PIK3C2G: variants seen among roughly 807,000 people sequenced by gnomAD.
The protein encoded by PIK3C2G is phosphatidylinositol-4-phosphate 3-kinase catalytic subunit type 2 gamma.
In PIK3C2G, 168 loss-of-function variants were observed where a neutral mutation model predicts 181.1. The ratio of observed to expected loss-of-function variants is 0.93; its 90% confidence interval spans 0.82 to 1.05. The LOEUF (loss-of-function observed/expected upper bound fraction) is 1.05. Ranked by LOEUF, PIK3C2G falls within the 50% of genes least tolerant of loss-of-function variation. PIK3C2G has a pLI of 0.00. For synonymous variants in PIK3C2G, 573 were observed against 592.2 expected (o/e 0.97, Z 0.47); for missense variants, 1,869 against 1,732.8 (o/e 1.08, Z -1.40).
At chr12:18,639,298 T>A (rs1949742198) in intron 31 of PIK3C2G, among the ~76,000 whole-genome samples, 1 of 152,120 alleles carries the variant, frequency 6.6e-6, no homozygotes, top group South Asian at 2.1e-4. Context: ...TTTTTTTGAG[T>A]TCTGAAGAAA....
the PIK3C2G span, among the ~76,000 whole-genome samples, chr12:18,664,902 C>T: frequency 6.7e-6 from 1 of 149,438 alleles, no homozygotes; most frequent in Non-Finnish European, 1.5e-5. Context: ...TAAACTATCA[C>T]AAGGACAAAA....
intron 24 of PIK3C2G, among the ~76,000 whole-genome samples, chr12:18,513,045 AGAT>A (rs1341844496): frequency 1.3e-5 from 2 of 151,836 alleles, no homozygotes; most frequent in Admixed American, 6.6e-5. Flanking sequence ...GCATCCAGTG[AGAT>A]GATGATGTTA....
chr12:18,695,546 T>C, the PIK3C2G span, among the ~76,000 whole-genome samples: 1 of 152,094 alleles, frequency 6.6e-6, no homozygotes, highest in African/African-American at 2.4e-5. Context: ...CAGTATAGCC[T>C]GGTAAATAGC....
chr12:18,420,755 T>C (rs1406875023), intron 16 of PIK3C2G, among the ~76,000 whole-genome samples, 186 bp from the exon 17 acceptor site: 2 of 152,142 alleles, frequency 1.3e-5, no homozygotes, highest in Non-Finnish European at 2.9e-5. Context: ...TCTACTGTAG[T>C]CCACACGAGA....
At chr12:18,610,390 T>C (rs940830272) in intron 31 of PIK3C2G, among the ~76,000 whole-genome samples, 2 of 152,098 alleles carry the variant, frequency 1.3e-5, no homozygotes, top group African/African-American at 4.8e-5. Context: ...TTTGGAAGGA[T>C]CTAAAAGAGC....
At chr12:18,367,381 C>A (rs973784642) in intron 12 of PIK3C2G, among the ~76,000 whole-genome samples, 36 of 151,982 alleles carry the variant, frequency 2.4e-4, no homozygotes, top group African/African-American at 8.2e-4. Flanking sequence ...ATCTAGGTAT[C>A]CAATTTAATA....
At chr12:18,497,340 G>A (rs951591538) in intron 21 of PIK3C2G, among the ~76,000 whole-genome samples, 2 of 152,096 alleles carry the variant, frequency 1.3e-5, no homozygotes, top group Non-Finnish European at 1.5e-5. Flanking sequence ...GAAATCACAC[G>A]TGGATAATAA....
At chr12:18,577,328 C>G (rs1946282899) in intron 29 of PIK3C2G, among the ~76,000 whole-genome samples, 1 of 152,160 alleles carries the variant, frequency 6.6e-6, no homozygotes, top group Non-Finnish European at 1.5e-5. Context: ...ACCAAAACCA[C>G]CAAACATAGC....
chr12:18,597,390 A>C (rs1947429360), intron 30 of PIK3C2G, among the ~76,000 whole-genome samples: 1 of 152,144 alleles, frequency 6.6e-6, no homozygotes, highest in Non-Finnish European at 1.5e-5. Context: ...ATGAAAATAA[A>C]AGCAAATTAC....
chr12:18,542,480 T>G (rs1479410283), intron 25 of PIK3C2G, among the ~76,000 whole-genome samples: 6 of 151,856 alleles, frequency 4.0e-5, no homozygotes, highest in Non-Finnish European at 8.8e-5. Flanking sequence ...TCACAGGGAT[T>G]TGATGTACAG....
chr12:18,467,088 T>C (rs1445280424), intron 18 of PIK3C2G, among the ~76,000 whole-genome samples: 5 of 152,018 alleles, frequency 3.3e-5, no homozygotes, highest in African/African-American at 1.2e-4. Flanking sequence ...TTTACTATTG[T>C]CATTCATAGT....
intron 16 of PIK3C2G, among the ~76,000 whole-genome samples, chr12:18,420,603 A>T (rs1284865834): frequency 6.6e-6 from 1 of 152,146 alleles, no homozygotes; most frequent in Non-Finnish European, 1.5e-5. Flanking sequence ...TATTTATCAA[A>T]TGCTTGGCTA....
At chr12:18,572,146 T>C (rs1945978253) in intron 29 of PIK3C2G, among the ~76,000 whole-genome samples, 1 of 141,084 alleles carries the variant, frequency 7.1e-6, no homozygotes, top group Non-Finnish European at 1.5e-5. Context: ...TGTCTTATAT[T>C]ATTTACAAAT....
At chr12:18,499,888 C>T (rs1261329023) in intron 22 of PIK3C2G, among the ~76,000 whole-genome samples, 1 of 152,262 alleles carries the variant, frequency 6.6e-6, no homozygotes, top group Non-Finnish European at 1.5e-5. Flanking sequence ...AGGCCGCACG[C>T]CTGCCATACT....
chr12:18,371,171 T>C lies in PIK3C2G; in HGVS notation c.1749-9T>C, dbSNP rs556762971. 5 of 1,599,174 alleles carry C rather than the reference T, an allele frequency of 3.1e-6. No individual in the cohort carries two copies. The highest frequency in any genetic ancestry group is 2.3e-5 in the South Asian group (2 of 88,414). On this transcript the variant is annotated splice_polypyrimidine_tract_variant and intron_variant, in intron 12 of 32. Transcript: ENST00000538779. ...GGTAGGTAATGCTTCTTCTTTCTTT[T>C]ATTCTCAGGATCAATTTTCCCCTTG...
In PIK3C2G at chr12:18,629,093, T is replaced by C. The variant is rs1415387769; in HGVS notation, c.4183-11336T>C. ...ATGTATTAATTCCCTCTGTGGAGAATGTTTGGTGTTAACATGGATCCAGCC... is the reference window on the plus strand; with the variant it reads ...ATGTATTAATTCCCTCTGTGGAGAACGTTTGGTGTTAACATGGATCCAGCC... On this transcript the variant is annotated intron_variant, in intron 31 of 32. Transcript: ENST00000538779. Among the ~76,000 whole-genome samples, 12 of 152,208 alleles carry C rather than the reference T, an allele frequency of 7.9e-5. 1 individual carries two copies. Among genetic ancestry groups the C allele is most frequent in the Admixed American group, 7.9e-4 (12 of 15,258 alleles).
intron 13 of PIK3C2G, among the ~76,000 whole-genome samples, chr12:18,379,573 G>A (rs2137948139): frequency 6.6e-6 from 1 of 152,318 alleles, no homozygotes; most frequent in South Asian, 2.1e-4. Context: ...TTCCTAAGAG[G>A]GGAAAAGGAT....
chr12:18,258,800 A>G (rs897958337), upstream of PIK3C2G, among the ~76,000 whole-genome samples: 1 of 152,132 alleles, frequency 6.6e-6, no homozygotes, highest in African/African-American at 2.4e-5. Flanking sequence ...AAAAATCGAT[A>G]TAAATATTTT....
At chr12:18,275,947 T>G (rs941901530) in intron 1 of PIK3C2G, among the ~76,000 whole-genome samples, 1 of 152,294 alleles carries the variant, frequency 6.6e-6, no homozygotes, top group South Asian at 2.1e-4. Context: ...GAGCAGCAAA[T>G]AAATTATTGA....
Sources: allele counts gnomAD v4.1 joint callset (sites outside exome capture counted in the v4.1 genomes callset), GRCh38; gene constraint gnomAD v4.1.1; transcripts MANE v1.5; gene names NCBI Gene and HGNC (gene_info 2026-07-23, HGNC 2026-07-21).